SIRPD: variants seen among roughly 807,000 people sequenced by gnomAD.
SIRPD encodes the protein signal regulatory protein delta.
In SIRPD, 21 loss-of-function variants were observed where a neutral mutation model predicts 18.0. The observed-to-expected ratio is 1.17, with a 90% CI of 0.83 to 1.68. SIRPD has a LOEUF of 1.68. SIRPD is among the 40% of genes most tolerant of loss of function. The pLI is 0.00. For synonymous variants in SIRPD, 106 were observed against 92.9 expected (o/e 1.14, Z -0.81); for missense variants, 295 against 238.4 (o/e 1.24, Z -1.56).
intron 2 of SIRPD, among the ~76,000 whole-genome samples, chr20:1,546,425 T>C (rs777567839): frequency 2.6e-5 from 4 of 152,252 alleles, no homozygotes; most frequent in Non-Finnish European, 5.9e-5. Context: ...TAGTATGTCA[T>C]TCCTCTTCAT....
At chr20:1,541,532 A>G (rs1288152633) in intron 2 of SIRPD, among the ~76,000 whole-genome samples, 1 of 152,040 alleles carries the variant, frequency 6.6e-6, no homozygotes, top group African/African-American at 2.4e-5. Flanking sequence ...TAGATTCTGG[A>G]TGTTAGCCCT....
At chr20:1,553,380 A>G (rs184883358) in intron 1 of SIRPD, among the ~76,000 whole-genome samples, 1 of 152,266 alleles carries the variant, frequency 6.6e-6, no homozygotes, top group East Asian at 1.9e-4. Context: ...TCATGGAGGC[A>G]TGTAGAGATT....
At chr20:1,552,482 G>T (rs146195429) in intron 1 of SIRPD, among the ~76,000 whole-genome samples, 8 of 152,108 alleles carry the variant, frequency 5.3e-5, no homozygotes, top group African/African-American at 1.9e-4. Flanking sequence ...CTCTGAATTT[G>T]TACAGAAATT....
intron 2 of SIRPD, among the ~76,000 whole-genome samples, chr20:1,549,773 T>C: frequency 6.6e-6 from 1 of 152,168 alleles, no homozygotes; most frequent in East Asian, 1.9e-4. Flanking sequence ...AGTGGGCCCT[T>C]GGAACTCCTT....
intron 1 of SIRPD, among the ~76,000 whole-genome samples, chr20:1,556,094 C>CA (rs1204288306): frequency 3.3e-5 from 5 of 151,968 alleles, no homozygotes; most frequent in African/African-American, 4.8e-5. Flanking sequence ...CCAGAAGTTG[C>CA]AAAAAAACTC....
At chr20:1,543,129 G>C (rs1373567206) in intron 2 of SIRPD, among the ~76,000 whole-genome samples, 1 of 152,150 alleles carries the variant, frequency 6.6e-6, no homozygotes, top group African/African-American at 2.4e-5. Context: ...TTTGGTATCA[G>C]GATGATGCTG....
chr20:1,550,899 A>T (rs1337939310), intron 2 of SIRPD, among the ~76,000 whole-genome samples: 1 of 152,200 alleles, frequency 6.6e-6, no homozygotes, highest in Non-Finnish European at 1.5e-5. Flanking sequence ...TGTATTACCA[A>T]TTTAATAATT....
At position 1,537,229 on chromosome 20, in the gene SIRPD, G is replaced by T. The variant is rs946828638; in HGVS notation, c.503C>A (p.Ser168Ter). The stretch of plus-strand genomic sequence containing the variant: ...TGTGCTGTTTCTCTCAGGCAGGGCC[G>T]AGAGGCAGGTATGGGCATCATGGTG... The part of the protein sequence containing the change: ...RAHHDAHTCL[S>*]ALPERNSTNY... The change falls in exon 3 of 4, where the codon TCG (serine) becomes TAG (stop). Residue 168 changes from serine (S) to a stop codon, truncating the protein, a stop_gained. Transcript: ENST00000381623. LOFTEE classifies it high-confidence loss of function. 1 of 1,614,148 alleles carries T rather than the reference G, an allele frequency of 6.2e-7. No homozygotes were observed. The highest frequency in any genetic ancestry group is 1.1e-5 in the South Asian group (1 of 91,076).
At chr20:1,553,816 T>G (rs1911483187) in intron 1 of SIRPD, 2 of 152,404 alleles carry the variant, frequency 1.3e-5, no homozygotes, top group Admixed American at 1.3e-4. Flanking sequence ...AGAAGAAACC[T>G]AGTCTACAGG....
chr20:1,536,620 A>C (rs2090946692), intron 3 of SIRPD, among the ~76,000 whole-genome samples: 1 of 152,158 alleles, frequency 6.6e-6, no homozygotes, highest in Non-Finnish European at 1.5e-5. Flanking sequence ...AAAAAGGACC[A>C]TTTAGCAATT....
At chr20:1,539,030 A>C (rs1006369608) in intron 2 of SIRPD, among the ~76,000 whole-genome samples, 1 of 152,200 alleles carries the variant, frequency 6.6e-6, no homozygotes, top group Admixed American at 6.5e-5. Context: ...CCACACTAAA[A>C]TTAAACCTTT....
At chr20:1,557,162 A>G (rs1051973791) in intron 1 of SIRPD, among the ~76,000 whole-genome samples, 6 of 152,180 alleles carry the variant, frequency 3.9e-5, no homozygotes, top group Admixed American at 2.6e-4. Context: ...TGGAGGCACG[A>G]GAATCACTTG....
At position 1,539,960 on chromosome 20, in the gene SIRPD, A is replaced by G. The variant is rs11905059; in HGVS notation, c.422-2650T>C. Among the ~76,000 whole-genome samples the G allele has an allele frequency of 9.5e-3, 1,442 of 152,350 alleles. 24 individuals carry two copies. Among genetic ancestry groups the G allele is most frequent in the African/African-American group, 0.034 (1,408 of 41,580 alleles). Reference sequence around the variant, plus strand: ...GCCTTAAAAGAGACCTTAAACCAAGATCACTCAACCTAAACTATGTCTAGA... The same window carrying G: ...GCCTTAAAAGAGACCTTAAACCAAGGTCACTCAACCTAAACTATGTCTAGA... On this transcript the variant is annotated intron_variant, in intron 2 of 3. Transcript: ENST00000381623.
rs79009196 is a variant in SIRPD, at chr20:1,536,694, C to T, written c.577+461G>A. Reference sequence around the variant, plus strand: ...GTTATCTATCTACCTATCTATCTATCTAATCTATCTATTAATCACCTATGC... The same window carrying T: ...GTTATCTATCTACCTATCTATCTATTTAATCTATCTATTAATCACCTATGC... On this transcript the variant is annotated intron_variant, in intron 3 of 3. Coordinates refer to ENST00000381623, the MANE Select transcript of SIRPD (RefSeq NM_178460.3). 1.3e-3 allele frequency among the ~76,000 whole-genome samples: 193 copies of T among 152,276 alleles called. 2 individuals carry two copies. The East Asian group carries it at 0.029, about 23-fold the overall frequency.
In SIRPD at chr20:1,540,216, C is replaced by G. The variant is rs182735898; in HGVS notation, c.422-2906G>C. On this transcript the variant is annotated intron_variant, in intron 2 of 3. Transcript: ENST00000381623. ...AGGGATGCTGGCAGCAAACCAGAAG[C>G]CAAAAGAGAAAGGGAATATGTTCTC... is the stretch of plus-strand genomic sequence containing the variant. The G allele has an allele frequency of 7.3e-4, 322 of 439,970 alleles. 3 individuals carry two copies. Among genetic ancestry groups the G allele is most frequent in the African/African-American group, 6.3e-3 (308 of 49,210 alleles). 27.3% of individuals were successfully genotyped at this position (439,970 alleles called of 1,614,324 possible).
At chr20:1,557,496 A>T (rs1008162023) in intron 1 of SIRPD, 85 bp downstream of exon 1, 1 of 1,217,632 alleles carries the variant, frequency 8.2e-7, no homozygotes, top group South Asian at 2.2e-5. Context: ...TCCCAAAAGA[A>T]ATTCTATGGG....
intron 2 of SIRPD, among the ~76,000 whole-genome samples, chr20:1,541,951 A>C (rs769045294): frequency 1.8e-4 from 28 of 152,150 alleles, no homozygotes; most frequent in Non-Finnish European, 3.4e-4. Flanking sequence ...ATGGTTGTAG[A>C]TGTGTGGTGT....
chr20:1,549,638 GACTTTT>G (rs2091009814), intron 2 of SIRPD, among the ~76,000 whole-genome samples: 1 of 151,944 alleles, frequency 6.6e-6, no homozygotes, highest in East Asian at 1.9e-4. Flanking sequence ...TCAAATATCA[GACTTTT>G]ACTTTTCTTC....
chr20:1,543,220 T>G (rs2090979728), intron 2 of SIRPD, among the ~76,000 whole-genome samples: 1 of 152,210 alleles, frequency 6.6e-6, no homozygotes, highest in East Asian at 1.9e-4. Context: ...TCAGCTCCTC[T>G]TGTACCTCTG....
Sources: allele counts gnomAD v4.1 joint callset (sites outside exome capture counted in the v4.1 genomes callset), GRCh38; gene constraint gnomAD v4.1.1; transcripts MANE v1.5; gene names NCBI Gene and HGNC (gene_info 2026-07-23, HGNC 2026-07-21).